CUX2: variants seen among roughly 807,000 people sequenced by gnomAD.
CUX2 encodes cut like homeobox 2.
In CUX2, 40 loss-of-function variants were observed where a neutral mutation model predicts 144.8. The ratio of observed to expected loss-of-function variants is 0.28; its 90% CI spans 0.21 to 0.36. The LOEUF is 0.36. Among genes scored for constraint, CUX2 ranks in the 10% least tolerant of loss-of-function variants. The probability of loss-of-function intolerance (pLI) is 1.00; values close to 1 mark genes in which losing one functional copy is unlikely to be tolerated. For missense variants in CUX2, 1,615 were observed against 1,994.0 expected (o/e 0.81, Z 3.62); for synonymous variants, 827 against 875.6 (o/e 0.94, Z 0.98).
intron 3 of CUX2, among the ~76,000 whole-genome samples, chr12:111,236,920 A>C (rs1882781036): frequency 6.6e-6 from 1 of 152,170 alleles, no homozygotes; most frequent in South Asian, 2.1e-4. Context: ...AGGCCAAGGC[A>C]GGCAGATCAC....
chr12:111,100,058 G>A (rs1469878860), intron 1 of CUX2: 1 of 456,854 alleles, frequency 2.2e-6, no homozygotes. Flanking sequence ...GAGCGGGGCT[G>A]TGTCTGGACA....
At chr12:111,331,359 C>A (rs7301893) in intron 18 of CUX2, among the ~76,000 whole-genome samples, 10,371 of 152,162 alleles carry the variant, frequency 0.068, 932 homozygotes, top group African/African-American at 0.2. Context: ...AAGTTTCCAG[C>A]AGGTGGCAGT....
rs368083044 is a variant in CUX2 at position 111,338,347 on chromosome 12, G to T, written c.3258G>T (p.Leu1086=). Residue 1086 remains leucine, a synonymous_variant, in exon 20 of 22, where the codon CTG becomes CTT. Transcript: ENST00000261726. Reference sequence around the variant, plus strand: ...CACAGGGCTCCGTGTCTGACCTGCTGTCCCGGCCCAAACCCTGGCACAAGC... The same window carrying T: ...CACAGGGCTCCGTGTCTGACCTGCTTTCCCGGCCCAAACCCTGGCACAAGC... ...GLTQGSVSDL[L]SRPKPWHKLS... 2 of 1,614,094 alleles carry T rather than the reference G, an allele frequency of 1.2e-6. No individual in the cohort carries two copies. Among genetic ancestry groups the T allele is most frequent in the Non-Finnish European group, 1.7e-6 (2 of 1,180,026 alleles).
chr12:111,195,199 A>G (rs1880165044), intron 1 of CUX2, among the ~76,000 whole-genome samples: 1 of 152,138 alleles, frequency 6.6e-6, no homozygotes, highest in African/African-American at 2.4e-5. Context: ...CCACTTTTAA[A>G]ATCCCTCCCT....
At chr12:111,286,169 C>T (rs140906144) in intron 4 of CUX2, among the ~76,000 whole-genome samples, 51 of 152,342 alleles carry the variant, frequency 3.3e-4, no homozygotes, top group African/African-American at 1.0e-3. Flanking sequence ...AGACAGCCAG[C>T]GCCCAGAATG....
At chr12:111,226,341 G>C (rs898097845) in intron 3 of CUX2, among the ~76,000 whole-genome samples, 1 of 152,152 alleles carries the variant, frequency 6.6e-6, no homozygotes, top group Non-Finnish European at 1.5e-5. Flanking sequence ...AGTCTGCCCT[G>C]CCCAGCTTGG....
At chr12:111,058,756 A>G (rs888769752) in intron 1 of CUX2, among the ~76,000 whole-genome samples, 3 of 152,156 alleles carry the variant, frequency 2.0e-5, no homozygotes, top group Admixed American at 6.5e-5. Context: ...TCAGGGAGAG[A>G]CCGCAGTGCA....
intron 1 of CUX2, among the ~76,000 whole-genome samples, chr12:111,152,434 T>G (rs1877109352): frequency 6.6e-6 from 1 of 152,140 alleles, no homozygotes; most frequent in Non-Finnish European, 1.5e-5. Context: ...ATGGCTCATC[T>G]AAAGGGACAG....
chr12:111,218,087 G>C, intron 3 of CUX2, 150 bp downstream of exon 3: 1 of 733,252 alleles, frequency 1.4e-6, no homozygotes, highest in Non-Finnish European at 2.4e-6. Flanking sequence ...CCTTCCCTCT[G>C]GTCTCCCATC....
intron 1 of CUX2, among the ~76,000 whole-genome samples, chr12:111,142,868 A>C (rs1427369757): frequency 6.6e-6 from 1 of 152,060 alleles, no homozygotes; most frequent in Non-Finnish European, 1.5e-5. Flanking sequence ...AGGCAGAGAG[A>C]GCCCAGGGTC....
chr12:111,223,618 A>G (rs1346381195), intron 3 of CUX2, among the ~76,000 whole-genome samples: 1 of 152,074 alleles, frequency 6.6e-6, no homozygotes, highest in Non-Finnish European at 1.5e-5. Context: ...CTACCTGGAG[A>G]CCACCCTGCA....
intron 4 of CUX2, among the ~76,000 whole-genome samples, chr12:111,267,811 T>TCC (rs1491236524): frequency 6.6e-6 from 1 of 151,658 alleles, no homozygotes; most frequent in Non-Finnish European, 1.5e-5. Flanking sequence ...CCCTCTCCTT[T>TCC]CTCTCTCTCT....
chr12:111,072,808 C>T (rs1185055605), intron 1 of CUX2, among the ~76,000 whole-genome samples: 1 of 152,198 alleles, frequency 6.6e-6, no homozygotes, highest in Non-Finnish European at 1.5e-5. Flanking sequence ...AGGGACCCCT[C>T]CCCCAACCCC....
chr12:111,220,246 T>G (rs1281645807), intron 3 of CUX2, among the ~76,000 whole-genome samples: 1 of 152,202 alleles, frequency 6.6e-6, no homozygotes, highest in African/African-American at 2.4e-5. Context: ...ATGAGAAGTC[T>G]TGGATATTTT....
chr12:111,245,023 A>G (rs920133898), intron 3 of CUX2, among the ~76,000 whole-genome samples: 13 of 152,100 alleles, frequency 8.5e-5, no homozygotes, highest in Middle Eastern at 3.2e-3. Context: ...TGTCTTTGAG[A>G]AACAGAATGA....
intron 1 of CUX2, among the ~76,000 whole-genome samples, chr12:111,162,933 CT>C (rs1877873945): frequency 6.6e-6 from 1 of 151,998 alleles, no homozygotes; most frequent in African/African-American, 2.4e-5. Flanking sequence ...GTAATCCCAG[CT>C]GCTCGGGAGG....
intron 1 of CUX2, among the ~76,000 whole-genome samples, chr12:111,210,279 T>C (rs897498506): frequency 6.6e-6 from 1 of 152,250 alleles, no homozygotes; most frequent in Non-Finnish European, 1.5e-5. Context: ...GATGCTGTCA[T>C]TGGCCCTCTT....
chr12:111,311,606 T>A lies in CUX2; in HGVS notation c.1901-494T>A, dbSNP rs550190346. ...ACCCTATTTCTTTATTATTATTATT[T>A]TTTTTTTTTTGAGACGGAGTCTTGT... On this transcript the variant is annotated intron_variant, in intron 15 of 21. Coordinates refer to ENST00000261726, the MANE Select transcript of CUX2 (RefSeq NM_015267.4). Among the ~76,000 whole-genome samples, 1,203 of 144,456 alleles carry A rather than the reference T, an allele frequency of 8.3e-3. 29 individuals are homozygous for A. The highest frequency in any genetic ancestry group is 0.048 in the East Asian group (236 of 4,884). The allele number at this position is 144,456 out of a possible 152,430, so 94.8% of individuals were successfully genotyped here.
intron 1 of CUX2, among the ~76,000 whole-genome samples, chr12:111,145,566 A>G (rs968939590): frequency 6.6e-6 from 1 of 152,030 alleles, no homozygotes; most frequent in Non-Finnish European, 1.5e-5. Flanking sequence ...CGGTCTCCCT[A>G]TCTGTTGCCC....
Sources: gnomAD v4.1 joint callset for allele counts (sites outside exome capture counted in the v4.1 genomes callset) on GRCh38, gnomAD v4.1.1 for gene constraint, MANE v1.5 for transcripts, NCBI Gene and HGNC (gene_info 2026-07-23, HGNC 2026-07-21) for gene names.